Variants in TSPAN5 observed in about 807,000 individuals in gnomAD.
The protein encoded by TSPAN5 is tetraspanin 5, also known as tetraspanin-5.
Under a neutral mutation model 37.1 loss-of-function variants are expected in TSPAN5, and 10 were observed. The observed-to-expected ratio is 0.27, with a 90% CI of 0.17 to 0.46. The LOEUF is 0.46. TSPAN5 is among the 20% of genes least tolerant of loss of function. TSPAN5 has a pLI of 1.00. For missense variants in TSPAN5, 195 were observed against 326.6 expected (o/e 0.60, Z 3.11); for synonymous variants, 110 against 118.9 (o/e 0.93, Z 0.48).
At chr4:98,648,553 G>C (rs1757117295) in intron 1 of TSPAN5, among the ~76,000 whole-genome samples, 1 of 152,150 alleles carries the variant, frequency 6.6e-6, no homozygotes, top group Non-Finnish European at 1.5e-5. Context: ...CAGCACCAGA[G>C]GTTCTCTTTC....
rs550365221 is a variant in TSPAN5 at position 98,568,537 on chromosome 4, C to T, written c.82-60809G>A. Among the ~76,000 whole-genome samples the T allele has an allele frequency of 1.4e-3, 215 of 152,090 alleles. 1 individual carries two copies. The highest frequency in any genetic ancestry group is 4.6e-3 in the African/African-American group (192 of 41,498). ...AGCCTGGGCGACAGTCCCCCACCCCCAGCCCACCACCAACCCACCACAAAA... is the reference window on the plus strand; with the variant it reads ...AGCCTGGGCGACAGTCCCCCACCCCTAGCCCACCACCAACCCACCACAAAA... On this transcript the variant is annotated intron_variant, in intron 1 of 7. Transcript: ENST00000305798.
At chr4:98,629,165 G>T (rs1420485212) in intron 1 of TSPAN5, among the ~76,000 whole-genome samples, 1 of 152,120 alleles carries the variant, frequency 6.6e-6, no homozygotes, top group Admixed American at 6.5e-5. Context: ...CTCTAAAGTG[G>T]CAAAGAATGG....
chr4:98,622,513 CA>C (rs1756502413), intron 1 of TSPAN5, among the ~76,000 whole-genome samples: 1 of 152,152 alleles, frequency 6.6e-6, no homozygotes, highest in African/African-American at 2.4e-5. Context: ...GTGGTTGCGC[CA>C]TTTTCATTCC....
At chr4:98,500,513 C>CAATGGAGG (rs1753320762) in intron 2 of TSPAN5, among the ~76,000 whole-genome samples, 1 of 152,132 alleles carries the variant, frequency 6.6e-6, no homozygotes, top group Admixed American at 6.5e-5. Flanking sequence ...GTAGTGAGTG[C>CAATGGAGG]AATGGAGGAT....
chr4:98,606,127 A>G (rs1009159210), intron 1 of TSPAN5, among the ~76,000 whole-genome samples: 1 of 152,248 alleles, frequency 6.6e-6, no homozygotes, highest in Non-Finnish European at 1.5e-5. Flanking sequence ...ATTTTAAATC[A>G]GACCACCCTA....
chr4:98,579,226 A>G (rs1437716428), intron 1 of TSPAN5, among the ~76,000 whole-genome samples: 1 of 152,122 alleles, frequency 6.6e-6, no homozygotes, highest in Non-Finnish European at 1.5e-5. Context: ...GCTTCACTTC[A>G]GCATCTTCCA....
chr4:98,544,019 A>T (rs1414800296), intron 1 of TSPAN5, among the ~76,000 whole-genome samples: 1 of 151,948 alleles, frequency 6.6e-6, no homozygotes, highest in Admixed American at 6.6e-5. Flanking sequence ...CTCTACAAGA[A>T]ATTTTTAAAA....
At chr4:98,610,095 A>G (rs1018028408) in intron 1 of TSPAN5, among the ~76,000 whole-genome samples, 2 of 152,236 alleles carry the variant, frequency 1.3e-5, no homozygotes, top group Non-Finnish European at 2.9e-5. Context: ...ATGACAGAAT[A>G]CCACAGACTG....
chr4:98,645,145 A>G (rs1007739938), intron 1 of TSPAN5, among the ~76,000 whole-genome samples: 2 of 152,156 alleles, frequency 1.3e-5, no homozygotes, highest in African/African-American at 4.8e-5. Context: ...CCTCTGGTCT[A>G]GTTAAGGAGA....
intron 1 of TSPAN5, among the ~76,000 whole-genome samples, chr4:98,600,321 T>C (rs1020189786): frequency 3.4e-4 from 52 of 152,252 alleles, no homozygotes; most frequent in African/African-American, 1.0e-3. Flanking sequence ...ACAATGAAGT[T>C]TGCAGCATTG....
intron 1 of TSPAN5, among the ~76,000 whole-genome samples, chr4:98,554,875 T>A (rs1754704002): frequency 6.6e-6 from 1 of 152,330 alleles, no homozygotes; most frequent in East Asian, 1.9e-4. Context: ...AAATTTGCAT[T>A]CTATTTACCA....
At chr4:98,542,265 G>C (rs1294332171) in intron 1 of TSPAN5, among the ~76,000 whole-genome samples, 1 of 152,216 alleles carries the variant, frequency 6.6e-6, no homozygotes, top group Non-Finnish European at 1.5e-5. Context: ...GGAGCTGTGT[G>C]CTTATTCCAG....
intron 1 of TSPAN5, among the ~76,000 whole-genome samples, chr4:98,567,785 C>A (rs899218369): frequency 1.3e-4 from 20 of 151,946 alleles, no homozygotes; most frequent in Non-Finnish European, 2.5e-4. Context: ...GAAACGAGTT[C>A]AGTTAGTTGT....
intron 1 of TSPAN5, among the ~76,000 whole-genome samples, chr4:98,564,011 C>T (rs1754941189): frequency 6.6e-6 from 1 of 152,150 alleles, no homozygotes; most frequent in African/African-American, 2.4e-5. Flanking sequence ...GGCCTAGAAC[C>T]AGTAAGTACT....
At chr4:98,515,926 A>G (rs1159162008) in intron 1 of TSPAN5, among the ~76,000 whole-genome samples, 1 of 152,168 alleles carries the variant, frequency 6.6e-6, no homozygotes, top group Non-Finnish European at 1.5e-5. Flanking sequence ...ACTAATTTTG[A>G]TTAATTTAAT....
intron 1 of TSPAN5, among the ~76,000 whole-genome samples, chr4:98,560,396 T>C (rs2110167792): frequency 6.6e-6 from 1 of 152,356 alleles, no homozygotes; most frequent in East Asian, 1.9e-4. Flanking sequence ...CTAAATATGC[T>C]GTTAATTAGT....
intron 1 of TSPAN5, among the ~76,000 whole-genome samples, chr4:98,542,301 T>C (rs977369854): frequency 6.6e-6 from 1 of 152,224 alleles, no homozygotes; most frequent in African/African-American, 2.4e-5. Flanking sequence ...TTTCAAATCT[T>C]TTTGTGCCAA....
At chr4:98,657,728 A>C (rs1468521347) in intron 1 of TSPAN5, 1 of 253,860 alleles carries the variant, frequency 3.9e-6, no homozygotes, top group Non-Finnish European at 7.6e-6. Flanking sequence ...GATCGTTGTT[A>C]GAAGGTGGAC....
chr4:98,560,131 A>G (rs1754846786), intron 1 of TSPAN5: 1 of 152,212 alleles, frequency 6.6e-6, no homozygotes. Flanking sequence ...CCACTTAATG[A>G]CTTTGTGTTC....
Sources: allele counts gnomAD v4.1 joint callset (sites outside exome capture counted in the v4.1 genomes callset), GRCh38; gene constraint gnomAD v4.1.1; transcripts MANE v1.5; gene names NCBI Gene and HGNC (gene_info 2026-07-23, HGNC 2026-07-21).